Variants in LETM2 observed in about 807,000 individuals in gnomAD.
LETM2 encodes LETM1 domain-containing protein LETM2, mitochondrial.
A neutral mutation model predicts 59.6 loss-of-function variants in LETM2; 58 were observed. The observed-to-expected ratio is 0.97, with a 90% confidence interval of 0.79 to 1.21. The LOEUF (loss-of-function observed/expected upper bound fraction) is 1.21. LETM2 is among the 50% of genes most tolerant of loss of function. The pLI is 0.00. For synonymous variants in LETM2, 199 were observed against 214.1 expected (o/e 0.93, Z 0.62); for missense variants, 572 against 575.7 (o/e 0.99, Z 0.07).
intron 8 of LETM2, among the ~76,000 whole-genome samples, chr8:38,405,721 G>T (rs1813661948): frequency 6.6e-6 from 1 of 152,210 alleles, no homozygotes; most frequent in South Asian, 2.1e-4. Context: ...ATCCACTCAT[G>T]TGAGACAGAC....
At chr8:38,383,934 A>G (rs917342858), upstream of LETM2, among the ~76,000 whole-genome samples, 3 of 151,960 alleles carry the variant, frequency 2.0e-5, no homozygotes, top group Admixed American at 6.6e-5. Context: ...TGTCTCAAAA[A>G]AAAAAAAAAA....
At chr8:38,397,375 G>T (rs1252931945) in intron 4 of LETM2, among the ~76,000 whole-genome samples, 1 of 152,086 alleles carries the variant, frequency 6.6e-6, no homozygotes, top group African/African-American at 2.4e-5. Flanking sequence ...CAGTAAGATT[G>T]GAAACTTTTT....
In LETM2 at chr8:38,407,372, T is replaced by C; in HGVS notation, c.1322T>C (p.Phe441Ser). The C allele has an allele frequency of 6.2e-7, 1 of 1,611,672 alleles. No homozygotes were observed. Among genetic ancestry groups the C allele is most frequent in the Non-Finnish European group, 8.5e-7 (1 of 1,177,972 alleles). The change falls in exon 10 of 11, where the codon TTT becomes TCT. Residue 441 changes from phenylalanine (F) to serine (S), a missense_variant. Transcript: ENST00000379957. ...GTTCTGATGTTTAAGGATGAAGACT[T>C]TATACAGCCGCCACCAGTTACATCA... ...PQLKGTKDED[F>S]IQPPPVTSSP...
At chr8:38,399,929 G>A (rs1813038230) in intron 4 of LETM2, among the ~76,000 whole-genome samples, 1 of 152,080 alleles carries the variant, frequency 6.6e-6, no homozygotes, top group South Asian at 2.1e-4. Context: ...CTGGGCAACA[G>A]AGTGGGACTT....
rs1813081625 is a variant in LETM2 at position 38,400,289 on chromosome 8, G to T, written c.663G>T (p.Lys221Asn). 6.2e-7 allele frequency: 1 copy of T among 1,609,676 alleles called. No homozygotes were observed. Among genetic ancestry groups the T allele is most frequent in the East Asian group, 2.2e-5 (1 of 44,852 alleles). Residue 221 changes from lysine to asparagine, a missense_variant, in exon 5 of 11, where the codon AAG becomes AAT. Physicochemically the swap from Lys to Asn is moderately conservative, Grantham distance 94. Coordinates refer to ENST00000379957, the MANE Select transcript of LETM2 (RefSeq NM_001286819.2). The part of the protein sequence containing the change: ...SESKKEEKQK[K>N]KMAVKLELAK... ...CCATTAAGGAAGAAAAACAGAAAAA[G>T]AAAATGGCTGTAAAGTTGGAACTAG...
chr8:38,404,526 G>C lies in LETM2; in HGVS notation c.1218+20G>C, dbSNP rs757364957. 6.6e-7 allele frequency: 1 copy of C among 1,523,670 alleles called. No homozygotes were observed. Among genetic ancestry groups the C allele is most frequent in the Admixed American group, 1.7e-5 (1 of 59,904 alleles). The allele number at this position is 1,523,670 out of a possible 1,614,324, so 94.4% of individuals were successfully genotyped here. A position where few individuals can be genotyped will look rare whatever the true frequency, so the allele number is the denominator to read the frequency against. ...GGGGAGGTGAGTACCTGGGTTAATGGGGACCCTCGACGTCCATCCAACTGA... is the reference window on the plus strand; with the variant it reads ...GGGGAGGTGAGTACCTGGGTTAATGCGGACCCTCGACGTCCATCCAACTGA... On this transcript the variant is annotated intron_variant, in intron 8 of 10. Coordinates refer to ENST00000379957, the MANE Select transcript of LETM2 (RefSeq NM_001286819.2).
chr8:38,383,022 A>G (rs1352879286), upstream of LETM2: 2 of 152,204 alleles, frequency 1.3e-5, no homozygotes, highest in East Asian at 3.9e-4. Context: ...CTTGTGGGTA[A>G]CCGGGAGGAC....
At chr8:38,398,323 G>A (rs889868115) in intron 4 of LETM2, among the ~76,000 whole-genome samples, 4 of 152,186 alleles carry the variant, frequency 2.6e-5, no homozygotes, top group African/African-American at 9.7e-5. Flanking sequence ...GGGGGGAATA[G>A]AGGAAGTGAT....
At chr8:38,393,163 T>C in intron 3 of LETM2, 168 bp downstream of exon 3, 1 of 603,272 alleles carries the variant, frequency 1.7e-6, no homozygotes, top group Non-Finnish European at 2.9e-6. Context: ...TGTACAACTT[T>C]AGTCAGTATT....
At chr8:38,402,005 G>A (rs1299239223) in intron 6 of LETM2, among the ~76,000 whole-genome samples, 15 of 152,170 alleles carry the variant, frequency 9.9e-5, no homozygotes, top group Admixed American at 9.2e-4. Flanking sequence ...TTAGAGCTTT[G>A]GAATAAACAA....
At chr8:38,388,361 T>A (rs1457322233) in intron 2 of LETM2, among the ~76,000 whole-genome samples, 1 of 150,488 alleles carries the variant, frequency 6.6e-6, no homozygotes, top group African/African-American at 2.4e-5. Context: ...ATTACAGGCG[T>A]GAGTCACCTC....
At position 38,402,580 on chromosome 8, in the gene LETM2, G is replaced by T. The variant is rs200034574; in HGVS notation, c.1040G>T (p.Cys347Phe). 12 of 1,614,030 alleles carry T rather than the reference G, an allele frequency of 7.4e-6. No homozygotes were observed. The highest frequency in any genetic ancestry group is 1.3e-5 in the African/African-American group (1 of 74,938). ...ALSVSELQAA[C>F]RARGMRSLGL... ...AGTGTATCAGAACTACAGGCTGCCT[G>T]TAGGGCCCGAGGGATGAGATCACTG... The change falls in exon 7 of 11, where the codon TGT (cysteine) becomes TTT (phenylalanine). Residue 347 changes from cysteine (C) to phenylalanine (F), a missense_variant. By Grantham distance (205) the Cys-to-Phe change is radical. Transcript: ENST00000379957.
At position 38,408,396 on chromosome 8, in the gene LETM2, G is replaced by A. The variant is rs955985540; in HGVS notation, c.*122G>A. 2.6e-5 allele frequency: 22 copies of A among 832,200 alleles called. No individual in the cohort carries two copies. In the African/African-American group the frequency reaches 2.7e-4, roughly 10 times the overall value. 51.6% of individuals were successfully genotyped at this position (832,200 alleles called of 1,614,324 possible). The stretch of plus-strand genomic sequence containing the variant: ...GAGCGGATCAGCTGTTTAGCCCGTG[G>A]GGCAGTCCTTTGAGGCCTGGTAACC... On this transcript the variant is annotated 3_prime_UTR_variant, in exon 11 of 11. Coordinates refer to ENST00000379957, the MANE Select transcript of LETM2 (RefSeq NM_001286819.2).
chr8:38,400,433 G>A, intron 5 of LETM2, 24 bp downstream of exon 5: 7 of 1,541,860 alleles, frequency 4.5e-6, no homozygotes, highest in Middle Eastern at 1.7e-4. Flanking sequence ...ATGTAATGCC[G>A]AACAACTTCG....
intron 4 of LETM2, among the ~76,000 whole-genome samples, chr8:38,399,232 A>AT (rs1299229686): frequency 6.6e-6 from 1 of 152,170 alleles, no homozygotes; most frequent in Non-Finnish European, 1.5e-5. Flanking sequence ...ATTTCTGATG[A>AT]TTAACAAGGA....
upstream of LETM2, among the ~76,000 whole-genome samples, chr8:38,384,745 T>C (rs1459719225): frequency 2.0e-5 from 3 of 152,182 alleles, no homozygotes; most frequent in Non-Finnish European, 4.4e-5. Context: ...TGCTGACATA[T>C]GGCCATGGTA....
upstream of LETM2, among the ~76,000 whole-genome samples, chr8:38,385,401 AT>A (rs529606785): frequency 2.0e-4 from 31 of 151,468 alleles, no homozygotes; most frequent in Non-Finnish European, 3.8e-4. Context: ...GAAAAAAAAA[AT>A]TTTTTTTTGA....
chr8:38,385,299 G>A (rs1343041342), upstream of LETM2, among the ~76,000 whole-genome samples: 1 of 152,212 alleles, frequency 6.6e-6, no homozygotes, highest in African/African-American at 2.4e-5. Flanking sequence ...TAGCCCAGAT[G>A]AGTAAAGTCT....
chr8:38,386,397 C>T (rs1281783956), upstream of LETM2: 1 of 152,212 alleles, frequency 6.6e-6, no homozygotes, highest in Admixed American at 6.5e-5. Flanking sequence ...GACGCCCGCC[C>T]TCCCCAGAAC....
Sources: allele counts gnomAD v4.1 joint callset (sites outside exome capture counted in the v4.1 genomes callset), GRCh38; gene constraint gnomAD v4.1.1; transcripts MANE v1.5; gene names NCBI Gene and HGNC (gene_info 2026-07-23, HGNC 2026-07-21).